LRRIQ1: variants seen among roughly 807,000 people sequenced by gnomAD.
LRRIQ1 encodes leucine rich repeats and IQ motif containing 1.
In LRRIQ1, 210 loss-of-function variants were observed where a neutral mutation model predicts 211.9. The observed-to-expected ratio is 0.99, with a 90% CI of 0.89 to 1.11. The LOEUF is 1.11. Ranked by LOEUF, LRRIQ1 falls within the 50% of genes most tolerant of loss-of-function variation. The pLI is 0.00. For missense variants in LRRIQ1, 2,136 were observed against 1,939.5 expected, an observed-to-expected ratio of 1.10 and a Z score of -1.90; for synonymous variants, 699 against 650.1, an observed-to-expected ratio of 1.08 and a Z score of -1.14.
Position 85,112,711 on chromosome 12 carries a change from T to C in LRRIQ1, c.3377+6096T>C, listed in dbSNP as rs184847551. Among the ~76,000 whole-genome samples, 22 of 152,148 alleles carry C rather than the reference T, an allele frequency of 1.4e-4. No homozygotes were observed. In the East Asian group the frequency reaches 3.1e-3, roughly 21 times the overall value. ...TATTTTAGGGAAGTCTCAAATATTT[T>C]ACTCATTCAGATGCGATTTCAGGGA... On this transcript the variant is annotated intron_variant, in intron 15 of 26. Transcript: ENST00000393217.
chr12:85,191,236 C>T (rs563126029), intron 24 of LRRIQ1, among the ~76,000 whole-genome samples: 2 of 151,970 alleles, frequency 1.3e-5, no homozygotes, highest in Non-Finnish European at 2.9e-5. Flanking sequence ...TGGATTTTGA[C>T]AAATGTTTGA....
intron 26 of LRRIQ1, among the ~76,000 whole-genome samples, chr12:85,242,076 CCTAAAAGAA>C (rs1895488918): frequency 6.6e-6 from 1 of 151,868 alleles, no homozygotes; most frequent in Non-Finnish European, 1.5e-5. Context: ...AAAACAAAGA[CCTAAAAGAA>C]TTTTGCAAAA....
rs1277488165 is a variant in LRRIQ1 at position 85,055,651 on chromosome 12, A to T, written c.858A>T (p.Ala286=). 10 of 1,601,818 alleles carry T rather than the reference A, an allele frequency of 6.2e-6. No homozygotes were observed. The highest frequency in any genetic ancestry group is 8.5e-6 in the Non-Finnish European group (10 of 1,176,498). ...KNSLLKQQNN[A]AVKIQAKYKA... ...CTTTGTTAAAACAGCAGAATAATGCAGCTGTTAAAATTCAAGCTAAATATA... is the reference window on the plus strand; with the variant it reads ...CTTTGTTAAAACAGCAGAATAATGCTGCTGTTAAAATTCAAGCTAAATATA... The change falls in exon 8 of 27, where the codon GCA becomes GCT. Residue 286 remains alanine, a synonymous_variant. Transcript: ENST00000393217.
At chr12:85,187,043 A>G (rs1405497755) in intron 24 of LRRIQ1, among the ~76,000 whole-genome samples, 4 of 152,172 alleles carry the variant, frequency 2.6e-5, no homozygotes, top group Non-Finnish European at 4.4e-5. Flanking sequence ...AATGTACTGT[A>G]AAGGGCATAT....
At chr12:85,199,129 A>T (rs1429127254) in intron 24 of LRRIQ1, among the ~76,000 whole-genome samples, 1 of 152,008 alleles carries the variant, frequency 6.6e-6, no homozygotes, top group Non-Finnish European at 1.5e-5. Flanking sequence ...GGCCCCATTT[A>T]TTAAGTATTT....
At chr12:85,070,427 G>T (rs1882961723) in intron 10 of LRRIQ1, among the ~76,000 whole-genome samples, 1 of 151,934 alleles carries the variant, frequency 6.6e-6, no homozygotes, top group African/African-American at 2.4e-5. Context: ...CCTTTAAGCT[G>T]GAATTCTTTA....
At chr12:85,132,626 G>C (rs1210896251) in intron 18 of LRRIQ1, among the ~76,000 whole-genome samples, 4 of 151,972 alleles carry the variant, frequency 2.6e-5, no homozygotes, top group Non-Finnish European at 5.9e-5. Flanking sequence ...AAATTAACTG[G>C]GTGGCATGTA....
chr12:85,261,855 T>A (rs1259842719), intron 1 of LRRIQ1, among the ~76,000 whole-genome samples: 2 of 151,988 alleles, frequency 1.3e-5, no homozygotes, highest in Admixed American at 1.3e-4. Context: ...AATGGCACGA[T>A]CTCGGCTCAC....
chr12:85,189,017 C>T (rs1388606122), intron 24 of LRRIQ1, among the ~76,000 whole-genome samples: 1 of 152,038 alleles, frequency 6.6e-6, no homozygotes, highest in African/African-American at 2.4e-5. Flanking sequence ...ATAGAGACTG[C>T]ACAAGGTGGA....
At chr12:85,169,567 C>T (rs995341027) in intron 24 of LRRIQ1, among the ~76,000 whole-genome samples, 1 of 152,016 alleles carries the variant, frequency 6.6e-6, no homozygotes, top group African/African-American at 2.4e-5. Context: ...TTGTAGCTTT[C>T]GTATTTCATC....
chr12:85,154,034 G>T lies in LRRIQ1; in HGVS notation c.4660G>T (p.Ala1554Ser), dbSNP rs536902564. ...EEWGFKDISTAQQMLKRAQKM... is the reference protein window; with the variant it reads ...EEWGFKDISTSQQMLKRAQKM... ...TAGGGGCTTTAAGGATATTTCTACT[G>T]CTCAGCAAATGTTGAAGAGGGCACA... Residue 1554 changes from alanine to serine, a missense_variant, in exon 23 of 27, where the codon GCT (alanine) becomes TCT (serine). Coordinates refer to ENST00000393217, the MANE Select transcript of LRRIQ1 (RefSeq NM_001079910.2). 2 of 1,568,332 alleles carry T rather than the reference G, an allele frequency of 1.3e-6. No individual in the cohort carries two copies. Among genetic ancestry groups the T allele is most frequent in the South Asian group, 1.2e-5 (1 of 82,196 alleles).
At chr12:85,217,664 A>G (rs1013463766) in intron 24 of LRRIQ1, among the ~76,000 whole-genome samples, 1 of 128,590 alleles carries the variant, frequency 7.8e-6, no homozygotes, top group East Asian at 2.0e-4. Context: ...GTATATATGT[A>G]TATATGTGTA....
At chr12:85,152,549 C>CT (rs1423074859) in intron 20 of LRRIQ1, among the ~76,000 whole-genome samples, 180 bp downstream of exon 20, 1 of 151,612 alleles carries the variant, frequency 6.6e-6, no homozygotes, top group East Asian at 1.9e-4. Context: ...TCATTTGCTC[C>CT]TTTTTTTCTT....
At position 85,055,632 on chromosome 12, in the gene LRRIQ1, T is replaced by C; in HGVS notation, c.839T>C (p.Leu280Ser). ...DQQEKEKNSL[L>S]KQQNNAAVKI... ...CAAGAAAAAGAAAAAAATTCTTTGT[T>C]AAAACAGCAGAATAATGCAGCTGTT... Residue 280 changes from leucine (L) to serine (S), a missense_variant, in exon 8 of 27, where the codon TTA becomes TCA. Coordinates refer to ENST00000393217, the MANE Select transcript of LRRIQ1 (RefSeq NM_001079910.2). The C allele has an allele frequency of 6.3e-7, 1 of 1,581,028 alleles. No homozygotes were observed. Among genetic ancestry groups the C allele is most frequent in the Non-Finnish European group, 8.5e-7 (1 of 1,170,526 alleles).
intron 7 of LRRIQ1, among the ~76,000 whole-genome samples, chr12:85,053,707 G>GTTTTGTT (rs901370344): frequency 2.0e-5 from 3 of 151,990 alleles, no homozygotes; most frequent in African/African-American, 7.2e-5. Flanking sequence ...AAAATATTTT[G>GTTTTGTT]TTTTGTTTTT....
intron 11 of LRRIQ1, among the ~76,000 whole-genome samples, chr12:85,083,281 AT>A (rs763340923): frequency 1.3e-5 from 2 of 152,052 alleles, no homozygotes; most frequent in African/African-American, 2.4e-5. Flanking sequence ...TTTGCTTGCC[AT>A]ATTTATTTAG....
chr12:85,063,148 T>A (rs1195008089), intron 8 of LRRIQ1, among the ~76,000 whole-genome samples: 1 of 151,820 alleles, frequency 6.6e-6, no homozygotes, highest in African/African-American at 2.4e-5. Flanking sequence ...TTCTGTAGGT[T>A]GTCTGTTTAC....
At chr12:85,120,901 G>A (rs920835561) in intron 15 of LRRIQ1, among the ~76,000 whole-genome samples, 12 of 152,124 alleles carry the variant, frequency 7.9e-5, no homozygotes, top group African/African-American at 2.4e-4. Context: ...CTTGCTGTCT[G>A]ACCTGGCTTT....
chr12:85,085,535 A>G (rs1592764604), intron 11 of LRRIQ1, among the ~76,000 whole-genome samples: 1 of 152,088 alleles, frequency 6.6e-6, no homozygotes, highest in South Asian at 2.1e-4. Flanking sequence ...TAATCCCTTT[A>G]CCCAGATAGT....
Sources: allele counts gnomAD v4.1 joint callset (sites outside exome capture counted in the v4.1 genomes callset), GRCh38; gene constraint gnomAD v4.1.1; transcripts MANE v1.5; gene names NCBI Gene and HGNC (gene_info 2026-07-23, HGNC 2026-07-21).